The following PTPN14 variants were observed in gnomAD, a reference collection of about 807,000 sequenced individuals.
PTPN14 encodes protein tyrosine phosphatase non-receptor type 14, also known as tyrosine-protein phosphatase non-receptor type 14.
PTPN14 carries 53 observed loss-of-function variants against 126.8 expected under a neutral mutation model. That is an observed-to-expected ratio of 0.42 (90% CI 0.34 to 0.53). The LOEUF is 0.53. Among genes scored for constraint, PTPN14 ranks in the 20% least tolerant of loss-of-function variants. PTPN14 has a pLI of 0.08. For synonymous variants in PTPN14, 630 were observed against 599.3 expected (o/e 1.05, Z -0.75); for missense variants, 1,257 against 1,552.9 (o/e 0.81, Z 3.20).
At chr1:214,491,069 AAGAAAG>A (rs1661236683) in intron 1 of PTPN14, among the ~76,000 whole-genome samples, 1 of 150,444 alleles carries the variant, frequency 6.6e-6, no homozygotes, top group Admixed American at 6.6e-5. Context: ...CAAAGAAAGA[AAGAAAG>A]AGAAAGAAAG....
chr1:214,543,191 G>C (rs1655884365), intron 1 of PTPN14, among the ~76,000 whole-genome samples: 1 of 152,096 alleles, frequency 6.6e-6, no homozygotes, highest in Non-Finnish European at 1.5e-5. Flanking sequence ...GCATAGGACG[G>C]AAACTAAGCA....
chr1:214,550,351 T>G (rs1267795210), intron 1 of PTPN14, among the ~76,000 whole-genome samples: 1 of 152,138 alleles, frequency 6.6e-6, no homozygotes, highest in Admixed American at 6.5e-5. Flanking sequence ...CGACAGCCAG[T>G]CCCTAGACTT....
intron 1 of PTPN14, among the ~76,000 whole-genome samples, chr1:214,524,013 C>A (rs986095129): frequency 6.6e-6 from 1 of 151,936 alleles, no homozygotes; most frequent in Non-Finnish European, 1.5e-5. Flanking sequence ...ACACGCCTGG[C>A]TAATTTTTGT....
chr1:214,357,960 C>CT lies in PTPN14; in HGVS notation c.3525dup (p.Val1176SerfsTer54). The CT allele has an allele frequency of 6.2e-7, 1 of 1,613,374 alleles. No individual in the cohort carries two copies. ...GAGTTTTGGAGGAACTGGATGAGGACTTGGTAGACAAACTTGTACTGAGCG... is the reference window on the plus strand; with the variant it reads ...GAGTTTTGGAGGAACTGGATGAGGACTTTGGTAGACAAACTTGTACTGAGCG... On this transcript the variant is annotated frameshift_variant, in exon 19 of 19. Coordinates refer to ENST00000366956, the MANE Select transcript of PTPN14 (RefSeq NM_005401.5). LOFTEE classifies it high-confidence loss of function.
At chr1:214,385,540 CAA>C (rs1658588186) in intron 12 of PTPN14, among the ~76,000 whole-genome samples, 1 of 152,050 alleles carries the variant, frequency 6.6e-6, no homozygotes, top group Admixed American at 6.5e-5. Context: ...TTGATTTCTA[CAA>C]TCAGGCCCAA....
At chr1:214,372,889 T>G in intron 15 of PTPN14, 50 bp from the exon 16 acceptor site, 3 of 1,599,266 alleles carry the variant, frequency 1.9e-6, no homozygotes, top group Non-Finnish European at 8.5e-7. Flanking sequence ...CCGGACAACA[T>G]TACCTGCTGA....
rs1049372135 is a variant in PTPN14 at position 214,350,121 on chromosome 1, G to A, written c.*7801C>T. On this transcript the variant is annotated 3_prime_UTR_variant, in exon 19 of 19. Coordinates refer to ENST00000366956, the MANE Select transcript of PTPN14 (RefSeq NM_005401.5). ...GGAGAAGGTTGGGGAAGAAAATGAAGATAGCTTACATACAGATTTTGGATG... is the reference window on the plus strand; with the variant it reads ...GGAGAAGGTTGGGGAAGAAAATGAAAATAGCTTACATACAGATTTTGGATG... 1 of 152,216 alleles carries A rather than the reference G, an allele frequency of 6.6e-6. No individual in the cohort carries two copies. Among genetic ancestry groups the A allele is most frequent in the South Asian group, 2.1e-4 (1 of 4,830 alleles). 9.4% of individuals were successfully genotyped at this position (152,216 alleles called of 1,614,324 possible). A position where few individuals can be genotyped will look rare whatever the true frequency, so the allele number is the denominator to read the frequency against.
intron 1 of PTPN14, among the ~76,000 whole-genome samples, chr1:214,480,969 G>C (rs1660971494): frequency 6.6e-6 from 1 of 152,138 alleles, no homozygotes; most frequent in Non-Finnish European, 1.5e-5. Flanking sequence ...GGGCGAGAAA[G>C]AAACAAGCAG....
intron 2 of PTPN14, among the ~76,000 whole-genome samples, chr1:214,464,428 C>T (rs1024080978): frequency 3.9e-5 from 6 of 152,142 alleles, no homozygotes; most frequent in Non-Finnish European, 8.8e-5. Context: ...CAGCTCTAGG[C>T]GGTGTTCAAG....
At chr1:214,547,553 A>C (rs370463432) in intron 1 of PTPN14, among the ~76,000 whole-genome samples, 3 of 152,222 alleles carry the variant, frequency 2.0e-5, no homozygotes, top group East Asian at 3.8e-4. Flanking sequence ...CTGGCATTAC[A>C]CTAGAAGTGT....
chr1:214,428,048 G>T (rs1382455458), intron 3 of PTPN14, among the ~76,000 whole-genome samples: 2 of 152,174 alleles, frequency 1.3e-5, no homozygotes, highest in Non-Finnish European at 2.9e-5. Flanking sequence ...CCAGTGGAAG[G>T]TACTGAGCAA....
intron 3 of PTPN14, among the ~76,000 whole-genome samples, chr1:214,435,871 G>A (rs574298850): frequency 4.6e-5 from 7 of 152,228 alleles, no homozygotes; most frequent in South Asian, 2.1e-4. Flanking sequence ...ATTTCCATTC[G>A]ACCCAGCAAT....
intron 3 of PTPN14, among the ~76,000 whole-genome samples, chr1:214,417,508 G>A (rs1659452606): frequency 6.6e-6 from 1 of 152,074 alleles, no homozygotes; most frequent in Non-Finnish European, 1.5e-5. Context: ...GCCCTGTTGG[G>A]TCAAATCAAC....
At chr1:214,436,790 A>C in intron 3 of PTPN14, among the ~76,000 whole-genome samples, 1 of 58,454 alleles carries the variant, frequency 1.7e-5, no homozygotes. Context: ...CCGTCTCAAA[A>C]AAAAAAAAAA....
chr1:214,502,084 G>T (rs1036090395), intron 1 of PTPN14, among the ~76,000 whole-genome samples: 10 of 145,572 alleles, frequency 6.9e-5, no homozygotes, highest in Admixed American at 2.0e-4. Context: ...AAAAAAAAAG[G>T]TTATTTTTCA....
At chr1:214,513,735 T>C (rs939506634) in intron 1 of PTPN14, among the ~76,000 whole-genome samples, 1 of 152,230 alleles carries the variant, frequency 6.6e-6, no homozygotes, top group Non-Finnish European at 1.5e-5. Flanking sequence ...CTATATTTTT[T>C]CTGTCTCGGT....
rs115224347 is a variant in PTPN14 at position 214,532,257 on chromosome 1, G to A, written c.-155+18926C>T. On this transcript the variant is annotated intron_variant, in intron 1 of 18. Coordinates refer to ENST00000366956, the MANE Select transcript of PTPN14 (RefSeq NM_005401.5). ...ACTGGTCCCTGGGCTCTGTCCAGCC[G>A]CCCAGCTGGTCAACAGCGTGGCCAG... 8.8e-3 allele frequency: 3,788 copies of A among 428,988 alleles called. 123 individuals carry two copies. The highest frequency in any genetic ancestry group is 0.07 in the African/African-American group (3,470 of 49,422). The allele number at this position is 428,988 out of a possible 1,614,324, so 26.6% of individuals were successfully genotyped here.
chr1:214,435,098 T>C (rs1466395358), intron 3 of PTPN14, among the ~76,000 whole-genome samples: 1 of 152,138 alleles, frequency 6.6e-6, no homozygotes, highest in Non-Finnish European at 1.5e-5. Context: ...ATCTAGACAA[T>C]TAAAAATATA....
At chr1:214,475,361 A>C (rs1660845799) in intron 1 of PTPN14, among the ~76,000 whole-genome samples, 1 of 152,220 alleles carries the variant, frequency 6.6e-6, no homozygotes, top group African/African-American at 2.4e-5. Context: ...TCTTTCTGTA[A>C]GTAAAATGAC....
Sources: allele counts gnomAD v4.1 joint callset (sites outside exome capture counted in the v4.1 genomes callset), GRCh38; gene constraint gnomAD v4.1.1; transcripts MANE v1.5; gene names NCBI Gene and HGNC (gene_info 2026-07-23, HGNC 2026-07-21).